The following PTPRT variants were observed in gnomAD, a reference collection of about 807,000 sequenced individuals.
PTPRT encodes the protein protein tyrosine phosphatase receptor type T.
A neutral mutation model predicts 176.8 loss-of-function variants in PTPRT; 56 were observed. That is an observed-to-expected ratio of 0.32 (90% CI 0.26 to 0.40). The LOEUF (loss-of-function observed/expected upper bound fraction) is 0.40. Among genes scored for constraint, PTPRT ranks in the 10% least tolerant of loss-of-function variants. The pLI is 1.00. For missense variants in PTPRT, 1,540 were observed against 1,908.2 expected (o/e 0.81, Z 3.60); for synonymous variants, 783 against 739.0 (o/e 1.06, Z -0.96).
At chr20:42,124,070 A>G (rs1354364088) in intron 19 of PTPRT, among the ~76,000 whole-genome samples, 1 of 152,206 alleles carries the variant, frequency 6.6e-6, no homozygotes, top group African/African-American at 2.4e-5. Context: ...CTGAGTAAAG[A>G]GACCCTCCTT....
At chr20:42,891,050 C>T (rs1180321968) in intron 1 of PTPRT, among the ~76,000 whole-genome samples, 1 of 152,330 alleles carries the variant, frequency 6.6e-6, no homozygotes, top group Non-Finnish European at 1.5e-5. Context: ...CCACATGGAA[C>T]TGTGAATCCA....
intron 7 of PTPRT, among the ~76,000 whole-genome samples, chr20:42,660,518 T>TA (rs2075204204): frequency 6.6e-6 from 1 of 152,188 alleles, no homozygotes; most frequent in Admixed American, 6.5e-5. Context: ...ATGAAACCAT[T>TA]AAAAAAGCCA....
chr20:43,068,431 G>A (rs564119184), intron 1 of PTPRT, among the ~76,000 whole-genome samples: 31 of 150,938 alleles, frequency 2.1e-4, no homozygotes, highest in South Asian at 4.2e-4. Context: ...GCGTGAACCC[G>A]GGAGGCGGAG....
intron 1 of PTPRT, among the ~76,000 whole-genome samples, chr20:43,162,772 T>C (rs1425453546): frequency 1.6e-5 from 2 of 126,732 alleles, no homozygotes; most frequent in East Asian, 4.4e-4. Flanking sequence ...GATGACCCGC[T>C]GGACAGCAGC....
intron 6 of PTPRT, among the ~76,000 whole-genome samples, chr20:42,694,803 T>TGC (rs3063142): frequency 0.98 from 149,146 of 152,298 alleles, 73,034 homozygotes; most frequent in East Asian, 1. Flanking sequence ...AGTGTTTATC[T>TGC]CATCTGTACA....
At chr20:42,975,423 G>C (rs751298075) in intron 1 of PTPRT, among the ~76,000 whole-genome samples, 3 of 151,882 alleles carry the variant, frequency 2.0e-5, no homozygotes, top group African/African-American at 7.3e-5. Flanking sequence ...AAAAATGTAT[G>C]GATTCTTATT....
chr20:43,189,619 C>A lies in PTPRT; in HGVS notation c.88+27G>T. The A allele has an allele frequency of 8.1e-7, 1 of 1,236,814 alleles. No homozygotes were observed. The highest frequency in any genetic ancestry group is 1.0e-6 in the Non-Finnish European group (1 of 988,440). 76.6% of individuals were successfully genotyped at this position (1,236,814 alleles called of 1,614,324 possible). ...GCGCATCCAGGAGGGAGCGGGGAGC[C>A]CAGGGGAGCCGGGCGGGCGCACTCA... On this transcript the variant is annotated intron_variant, in intron 1 of 30. Transcript: ENST00000373187. The surrounding 1 kb of genome is among the most constrained non-coding windows in gnomAD (Gnocchi z 5.0).
At chr20:42,284,795 AAAAC>A (rs2057201486) in intron 12 of PTPRT, among the ~76,000 whole-genome samples, 1 of 151,902 alleles carries the variant, frequency 6.6e-6, no homozygotes, top group South Asian at 2.1e-4. Context: ...GTCTCTCTTT[AAAAC>A]AAACAATTAT....
At position 42,077,622 on chromosome 20, in the gene PTPRT, G is replaced by A; in HGVS notation, c.*3257C>T. Reference sequence around the variant, plus strand: ...TGGTGCCCCATCTCATCCAAGCCTTGCCACATCCTTGTCCCATGGGATCTT... The same window carrying A: ...TGGTGCCCCATCTCATCCAAGCCTTACCACATCCTTGTCCCATGGGATCTT... On this transcript the variant is annotated 3_prime_UTR_variant, in exon 31 of 31. Coordinates refer to ENST00000373187, the MANE Select transcript of PTPRT (RefSeq NM_007050.6). 4.6e-6 allele frequency: 1 copy of A among 219,260 alleles called. No individual in the cohort carries two copies. Among genetic ancestry groups the A allele is most frequent in the African/African-American group, 2.2e-5 (1 of 44,694 alleles). 13.6% of individuals were successfully genotyped at this position (219,260 alleles called of 1,614,324 possible).
chr20:43,102,552 CA>C (rs1360771996), intron 1 of PTPRT, among the ~76,000 whole-genome samples: 1 of 152,174 alleles, frequency 6.6e-6, no homozygotes, highest in Non-Finnish European at 1.5e-5. Flanking sequence ...TGGTGCTCCC[CA>C]AAGCCTAGCG....
intron 16 of PTPRT, among the ~76,000 whole-genome samples, chr20:42,190,774 C>T (rs561379233): frequency 1.3e-5 from 2 of 152,238 alleles, no homozygotes; most frequent in South Asian, 2.1e-4. Context: ...GTGTCTGTGG[C>T]CTTAAGTTTC....
chr20:42,215,932 C>A (rs1338138161), intron 15 of PTPRT, among the ~76,000 whole-genome samples: 1 of 152,206 alleles, frequency 6.6e-6, no homozygotes, highest in Admixed American at 6.5e-5. Context: ...CTCCTGAAGG[C>A]CTCACCCTTT....
chr20:42,999,278 C>A (rs890767619), intron 1 of PTPRT, among the ~76,000 whole-genome samples: 3 of 152,078 alleles, frequency 2.0e-5, no homozygotes, highest in Non-Finnish European at 4.4e-5. Flanking sequence ...TGAAAGCACA[C>A]GTCAAAAAGC....
intron 6 of PTPRT, among the ~76,000 whole-genome samples, chr20:42,730,538 C>G (rs6030446): frequency 0.3 from 45,526 of 152,038 alleles, 8,672 homozygotes; most frequent in African/African-American, 0.51. Flanking sequence ...AGGAACAGAG[C>G]AGTTCAGGGT....
chr20:42,355,235 C>T (rs2058342894), intron 9 of PTPRT, among the ~76,000 whole-genome samples: 1 of 152,100 alleles, frequency 6.6e-6, no homozygotes, highest in African/African-American at 2.4e-5. Flanking sequence ...CTGCAGCATC[C>T]CAATTTCCCT....
chr20:42,908,825 T>C (rs1485625426), intron 1 of PTPRT, among the ~76,000 whole-genome samples: 2 of 152,194 alleles, frequency 1.3e-5, no homozygotes, highest in Admixed American at 6.5e-5. Flanking sequence ...ATGGAAGCCA[T>C]TTCCACACTA....
chr20:42,059,055 AG>A, the PTPRT span, among the ~76,000 whole-genome samples: 1 of 152,166 alleles, frequency 6.6e-6, no homozygotes, highest in Non-Finnish European at 1.5e-5. Context: ...ATTTGCCAAA[AG>A]CTTTCCAGTG....
At chr20:42,216,571 TA>T (rs1427108934) in intron 15 of PTPRT, among the ~76,000 whole-genome samples, 1 of 152,258 alleles carries the variant, frequency 6.6e-6, no homozygotes, top group Non-Finnish European at 1.5e-5. Flanking sequence ...AGGTACAAAA[TA>T]TACATATTTG....
chr20:42,495,249 C>A (rs1167333640), intron 7 of PTPRT, among the ~76,000 whole-genome samples: 2 of 152,178 alleles, frequency 1.3e-5, no homozygotes, highest in Non-Finnish European at 2.9e-5. Flanking sequence ...GCCATATTTT[C>A]TTTGTTCAAG....
Sources: gnomAD v4.1 joint callset for allele counts (sites outside exome capture counted in the v4.1 genomes callset) on GRCh38, gnomAD v4.1.1 for gene constraint, Gnocchi (gnomAD v3.1) non-coding constraint, MANE v1.5 for transcripts, NCBI Gene and HGNC (gene_info 2026-07-23, HGNC 2026-07-21) for gene names.